The following MARCHF1 variants were observed in gnomAD, a reference collection of about 807,000 sequenced individuals.
MARCHF1 encodes membrane associated ring-CH-type finger 1.
Under a neutral mutation model 54.2 loss-of-function variants are expected in MARCHF1, and 40 were observed. The ratio of observed to expected loss-of-function variants is 0.74; its 90% CI spans 0.57 to 0.96. The LOEUF is 0.96. Ranked by LOEUF, MARCHF1 falls within the 40% of genes least tolerant of loss-of-function variation. The pLI is 0.00. For missense variants in MARCHF1, 586 were observed against 656.5 expected (o/e 0.89, Z 1.17); for synonymous variants, 236 against 236.3 (o/e 1.00, Z 0.01).
intron 1 of MARCHF1, among the ~76,000 whole-genome samples, chr4:164,152,135 CAAAT>C (rs982099004): frequency 1.3e-5 from 2 of 152,078 alleles, no homozygotes; most frequent in Admixed American, 1.3e-4. Context: ...AGAAAATAAA[CAAAT>C]AAACATGTAC....
intron 3 of MARCHF1, among the ~76,000 whole-genome samples, chr4:163,981,304 C>T (rs1752758452): frequency 1.3e-5 from 2 of 152,182 alleles, no homozygotes; most frequent in Admixed American, 1.3e-4. Context: ...TTTCGTTATC[C>T]AGATTTGCAC....
intron 1 of MARCHF1, among the ~76,000 whole-genome samples, chr4:164,152,482 A>G (rs1349823880): frequency 1.3e-5 from 2 of 152,148 alleles, no homozygotes; most frequent in Admixed American, 6.6e-5. Flanking sequence ...ATACTTTTCA[A>G]TCTGACTCTG....
At chr4:164,329,772 GACCAGATCTC>G (rs762215789) in intron 1 of MARCHF1, among the ~76,000 whole-genome samples, 32 of 152,142 alleles carry the variant, frequency 2.1e-4, no homozygotes, top group Non-Finnish European at 4.0e-4. Flanking sequence ...ACTTTTAAAT[GACCAGATCTC>G]ACCAGAACTC....
chr4:163,904,528 A>T (rs1400467940), intron 3 of MARCHF1, among the ~76,000 whole-genome samples: 1 of 152,346 alleles, frequency 6.6e-6, no homozygotes, highest in East Asian at 1.9e-4. Flanking sequence ...AGGAAGGTCT[A>T]ACCAGAGAAA....
At chr4:163,702,634 A>C (rs996941783) in intron 4 of MARCHF1, among the ~76,000 whole-genome samples, 1 of 152,182 alleles carries the variant, frequency 6.6e-6, no homozygotes, top group African/African-American at 2.4e-5. Flanking sequence ...GGCCAGATTC[A>C]CTTTACAATG....
chr4:163,579,709 A>T (rs1380231033), intron 8 of MARCHF1, among the ~76,000 whole-genome samples: 1 of 151,678 alleles, frequency 6.6e-6, no homozygotes, highest in Admixed American at 6.6e-5. Flanking sequence ...GTGAGTATGA[A>T]TTTTTTTTTG....
chr4:164,081,467 T>A (rs1229656751), intron 2 of MARCHF1, among the ~76,000 whole-genome samples: 1 of 152,050 alleles, frequency 6.6e-6, no homozygotes, highest in Non-Finnish European at 1.5e-5. Context: ...TAGTACCTAT[T>A]TCTCTTCCTT....
At chr4:163,785,104 A>G (rs1747579035) in intron 4 of MARCHF1, among the ~76,000 whole-genome samples, 1 of 152,150 alleles carries the variant, frequency 6.6e-6, no homozygotes, top group Non-Finnish European at 1.5e-5. Flanking sequence ...TTAATCTTAA[A>G]TAATATACAC....
chr4:163,811,416 T>C (rs954315733), intron 4 of MARCHF1, among the ~76,000 whole-genome samples: 1 of 151,886 alleles, frequency 6.6e-6, no homozygotes, highest in African/African-American at 2.4e-5. Context: ...GCACCTATAG[T>C]CCCAGCTACT....
At chr4:164,218,557 G>A (rs757255282) in intron 1 of MARCHF1, among the ~76,000 whole-genome samples, 14 of 151,996 alleles carry the variant, frequency 9.2e-5, no homozygotes, top group Non-Finnish European at 1.3e-4. Flanking sequence ...GTAGTGGCAT[G>A]GATGAAGCTG....
intron 7 of MARCHF1, 145 bp downstream of exon 7, chr4:163,612,126 C>A (rs896139703): frequency 8.6e-6 from 6 of 699,798 alleles, no homozygotes; most frequent in Non-Finnish European, 1.3e-5. Flanking sequence ...TTTTCATACC[C>A]ACCTTTTCTC....
intron 1 of MARCHF1, among the ~76,000 whole-genome samples, chr4:164,150,533 A>T (rs1179195823): frequency 6.6e-6 from 1 of 152,046 alleles, no homozygotes; most frequent in East Asian, 1.9e-4. Context: ...GATTGTTCTG[A>T]CCTTGCCCTA....
chr4:163,679,616 C>T (rs1579187905), intron 5 of MARCHF1, among the ~76,000 whole-genome samples: 1 of 144,162 alleles, frequency 6.9e-6, no homozygotes, highest in Non-Finnish European at 1.5e-5. Context: ...ATCTCCAATT[C>T]TTTTTTTTTT....
chr4:164,090,998 G>T (rs1317017548), intron 2 of MARCHF1, among the ~76,000 whole-genome samples: 2 of 152,118 alleles, frequency 1.3e-5, no homozygotes, highest in African/African-American at 2.4e-5. Context: ...GAGAATTACT[G>T]TTGAACGAGA....
chr4:164,287,989 A>T (rs1396226899), intron 1 of MARCHF1, among the ~76,000 whole-genome samples: 1 of 152,188 alleles, frequency 6.6e-6, no homozygotes, highest in African/African-American at 2.4e-5. Context: ...CTGGCCCAGA[A>T]ACATAAACAT....
chr4:163,565,078 G>C (rs1054488609), intron 8 of MARCHF1, among the ~76,000 whole-genome samples: 1 of 152,156 alleles, frequency 6.6e-6, no homozygotes, highest in African/African-American at 2.4e-5. Flanking sequence ...CAAACCATGA[G>C]AAAGCTGTTG....
intron 1 of MARCHF1, chr4:164,197,568 A>C: frequency 6.2e-7 from 1 of 1,613,278 alleles, no homozygotes; most frequent in Non-Finnish European, 8.5e-7. Context: ...CGTTGATTTT[A>C]CTTAAGAATT....
At chr4:164,286,885 G>A (rs1285303257) in intron 1 of MARCHF1, among the ~76,000 whole-genome samples, 2 of 149,638 alleles carry the variant, frequency 1.3e-5, no homozygotes, top group African/African-American at 4.9e-5. Context: ...GTGGGTGTGG[G>A]GAGCAAACAG....
At position 163,727,835 on chromosome 4, in the gene MARCHF1, G is replaced by A. The variant is rs142555525; in HGVS notation, c.112-26972C>T. ...CTACAGGTGCATGCCACCATGCTCGGGTATTTTTATTGTTTTATTTTTTTA... is the reference window on the plus strand; with the variant it reads ...CTACAGGTGCATGCCACCATGCTCGAGTATTTTTATTGTTTTATTTTTTTA... On this transcript the variant is annotated intron_variant, in intron 4 of 9. Coordinates refer to ENST00000514618, the MANE Select transcript of MARCHF1 (RefSeq NM_001394959.1). Among the ~76,000 whole-genome samples, 1,149 of 151,800 alleles carry A rather than the reference G, an allele frequency of 7.6e-3. 8 individuals are homozygous for A. Among genetic ancestry groups the A allele is most frequent in the South Asian group, 0.022 (103 of 4,790 alleles).
Sources: allele counts gnomAD v4.1 joint callset (sites outside exome capture counted in the v4.1 genomes callset), GRCh38; gene constraint gnomAD v4.1.1; transcripts MANE v1.5; gene names NCBI Gene and HGNC (gene_info 2026-07-23, HGNC 2026-07-21).